The following BMP6 variants were observed in gnomAD, a reference collection of about 807,000 sequenced individuals.
BMP6 encodes bone morphogenetic protein 6.
BMP6 carries 17 observed loss-of-function variants against 54.1 expected under a neutral mutation model. The observed-to-expected ratio is 0.31, with a 90% CI of 0.22 to 0.47. The LOEUF is 0.47. BMP6 is among the 20% of genes least tolerant of loss of function. The pLI is 1.00. For missense variants in BMP6, 720 were observed against 690.4 expected (o/e 1.04, Z -0.48); for synonymous variants, 328 against 291.2 (o/e 1.13, Z -1.28).
intron 1 of BMP6, among the ~76,000 whole-genome samples, chr6:7,843,248 T>A (rs942660293): frequency 6.6e-6 from 1 of 151,512 alleles, no homozygotes; most frequent in African/African-American, 2.4e-5. Flanking sequence ...CCAAAGCTTA[T>A]TCTTTTTTAA....
chr6:7,861,558 A>G lies in BMP6; in HGVS notation c.965A>G (p.Gln322Arg). The G allele has an allele frequency of 6.2e-7, 1 of 1,614,240 alleles. No homozygotes were observed. Among genetic ancestry groups the G allele is most frequent in the South Asian group, 1.1e-5 (1 of 91,090 alleles). Reference sequence around the variant, plus strand: ...AGCAATCTGTGGGTTGTGACTCCACAGCATAACATGGGGCTTCAGCTGAGC... The same window carrying G: ...AGCAATCTGTGGGTTGTGACTCCACGGCATAACATGGGGCTTCAGCTGAGC... ...ATSNLWVVTP[Q>R]HNMGLQLSVV... The change falls in exon 3 of 7, where the codon CAG (glutamine) becomes CGG (arginine). Residue 322 changes from glutamine (Q) to arginine (R), a missense_variant. Gln to Arg is a conservative substitution (Grantham distance 43). Transcript: ENST00000283147.
chr6:7,845,821 G>T (rs1759053757), intron 2 of BMP6, among the ~76,000 whole-genome samples: 1 of 152,030 alleles, frequency 6.6e-6, no homozygotes, highest in Non-Finnish European at 1.5e-5. Context: ...TTGGATACAA[G>T]GGAGCAGTAG....
intron 1 of BMP6, among the ~76,000 whole-genome samples, chr6:7,747,747 A>G (rs972872068): frequency 2.0e-5 from 3 of 152,122 alleles, no homozygotes; most frequent in Non-Finnish European, 4.4e-5. Context: ...CCCGGGCTCA[A>G]GCGATCCTCT....
At chr6:7,839,073 C>T (rs1037587481) in intron 1 of BMP6, among the ~76,000 whole-genome samples, 15 of 152,030 alleles carry the variant, frequency 9.9e-5, no homozygotes, top group Non-Finnish European at 4.4e-5. Flanking sequence ...GTAGAATAAT[C>T]AAGTGTCATG....
intron 1 of BMP6, among the ~76,000 whole-genome samples, chr6:7,740,796 T>C (rs1212217836): frequency 6.6e-6 from 1 of 152,218 alleles, no homozygotes; most frequent in African/African-American, 2.4e-5. Context: ...TTTTGAAATC[T>C]CTTACTCCCA....
chr6:7,808,508 T>G (rs1206465117), intron 1 of BMP6, among the ~76,000 whole-genome samples: 1 of 152,184 alleles, frequency 6.6e-6, no homozygotes, highest in Non-Finnish European at 1.5e-5. Flanking sequence ...CATTTTAAAC[T>G]TTGCATTTAT....
rs144514918 is a variant in BMP6 at position 7,878,298 on chromosome 6, C to T, written c.1205-776C>T. On this transcript the variant is annotated intron_variant, in intron 4 of 6. Coordinates refer to ENST00000283147, the MANE Select transcript of BMP6 (RefSeq NM_001718.6). Reference sequence around the variant, plus strand: ...CATGTCTGACTTACCGTCTATTGGCCGTGGTGCCAGGCAGAAGGCATGTCA... The same window carrying T: ...CATGTCTGACTTACCGTCTATTGGCTGTGGTGCCAGGCAGAAGGCATGTCA... Among the ~76,000 whole-genome samples the T allele has an allele frequency of 3.9e-3, 590 of 152,294 alleles. 8 individuals are homozygous for T. The highest frequency in any genetic ancestry group is 0.033 in the Admixed American group (498 of 15,304).
intron 1 of BMP6, among the ~76,000 whole-genome samples, chr6:7,736,615 G>A (rs775371389): frequency 9.9e-5 from 15 of 152,166 alleles, no homozygotes; most frequent in Non-Finnish European, 2.2e-4. Context: ...CCTTTGGACT[G>A]TTTTCTATGA....
Position 7,878,929 on chromosome 6 carries a change from G to GTAGCT in BMP6, c.1205-144_1205-140dup, listed in dbSNP as rs1019061143. On this transcript the variant is annotated intron_variant, in intron 4 of 6. Transcript: ENST00000283147. Reference sequence around the variant, plus strand: ...TCAAGCCAACAGTCAGGAACCTGATGTAGCTGTTGGGTGACCATACTTGTA... The same window carrying GTAGCT: ...TCAAGCCAACAGTCAGGAACCTGATGTAGCTTAGCTGTTGGGTGACCATACTTGTA... 1.5e-5 allele frequency: 12 copies of GTAGCT among 779,490 alleles called. No homozygotes were observed. The East Asian group carries it at 2.9e-4, about 19-fold the overall frequency. 48.3% of individuals were successfully genotyped at this position (779,490 alleles called of 1,614,324 possible).
At chr6:7,761,128 C>G (rs1278286176) in intron 1 of BMP6, among the ~76,000 whole-genome samples, 1 of 152,196 alleles carries the variant, frequency 6.6e-6, no homozygotes, top group East Asian at 1.9e-4. Context: ...TTATTTTATG[C>G]TTTTCTATGT....
At chr6:7,735,368 T>G (rs1389252488) in intron 1 of BMP6, among the ~76,000 whole-genome samples, 13 of 152,238 alleles carry the variant, frequency 8.5e-5, no homozygotes, top group Non-Finnish European at 1.6e-4. Context: ...AGATTTCTTA[T>G]AATATTAGCC....
At position 7,869,628 on chromosome 6, in the gene BMP6, C is replaced by T. The variant is rs545117259; in HGVS notation, c.1204+7130C>T. Among the ~76,000 whole-genome samples the T allele has an allele frequency of 1.4e-4, 21 of 152,282 alleles. No individual in the cohort carries two copies. The East Asian group carries it at 1.5e-3, about 11-fold the overall frequency. Reference sequence around the variant, plus strand: ...TTGGGACGATTAGGATGCCCTGCCCCGTCACTGTCACATGGGCCCCGGCAG... The same window carrying T: ...TTGGGACGATTAGGATGCCCTGCCCTGTCACTGTCACATGGGCCCCGGCAG... On this transcript the variant is annotated intron_variant, in intron 4 of 6. Transcript: ENST00000283147.
At chr6:7,735,482 A>G (rs548431839) in intron 1 of BMP6, among the ~76,000 whole-genome samples, 41 of 152,356 alleles carry the variant, frequency 2.7e-4, no homozygotes, top group African/African-American at 9.4e-4. Context: ...AAAATTAAGG[A>G]CTAAAAGTTT....
chr6:7,731,718 A>G (rs1761862566), intron 1 of BMP6, among the ~76,000 whole-genome samples: 1 of 152,252 alleles, frequency 6.6e-6, no homozygotes, highest in African/African-American at 2.4e-5. Context: ...TTTACAGTGA[A>G]GACATTTAGG....
At chr6:7,876,919 T>C (rs1230164484) in intron 4 of BMP6, among the ~76,000 whole-genome samples, 1 of 152,110 alleles carries the variant, frequency 6.6e-6, no homozygotes, top group Non-Finnish European at 1.5e-5. Flanking sequence ...AGTTTTGTTA[T>C]TGTTTTGTTT....
intron 4 of BMP6, among the ~76,000 whole-genome samples, chr6:7,863,084 C>T (rs936031262): frequency 1.3e-5 from 2 of 152,228 alleles, no homozygotes; most frequent in Non-Finnish European, 1.5e-5. Flanking sequence ...CTGCAAGCTC[C>T]GCCTCCTGGG....
At chr6:7,808,007 A>G (rs1581256106) in intron 1 of BMP6, among the ~76,000 whole-genome samples, 1 of 134,298 alleles carries the variant, frequency 7.4e-6, no homozygotes, top group Admixed American at 9.3e-5. Flanking sequence ...TGCAATCTCC[A>G]CTTCGCGGGT....
intron 2 of BMP6, among the ~76,000 whole-genome samples, chr6:7,860,886 G>T (rs1399618867): frequency 6.6e-6 from 1 of 152,084 alleles, no homozygotes; most frequent in South Asian, 2.1e-4. Context: ...GTTTATAAAT[G>T]CTCATATGGA....
At chr6:7,804,623 A>G (rs1482137669) in intron 1 of BMP6, among the ~76,000 whole-genome samples, 1 of 152,218 alleles carries the variant, frequency 6.6e-6, no homozygotes, top group Admixed American at 6.5e-5. Flanking sequence ...CTATGAATGG[A>G]AAATTCATTC....
Sources: allele counts gnomAD v4.1 joint callset (sites outside exome capture counted in the v4.1 genomes callset), GRCh38; gene constraint gnomAD v4.1.1; transcripts MANE v1.5; gene names NCBI Gene and HGNC (gene_info 2026-07-23, HGNC 2026-07-21).